Variants in LRBA observed in about 807,000 individuals in gnomAD.
LRBA encodes lipopolysaccharide-responsive and beige-like anchor protein.
Under a neutral mutation model 330.0 loss-of-function variants are expected in LRBA, and 176 were observed. The ratio of observed to expected loss-of-function variants is 0.53; its 90% CI spans 0.47 to 0.60. The LOEUF (loss-of-function observed/expected upper bound fraction) is 0.60, where lower values mean the gene tolerates loss of function less well. Ranked by LOEUF, LRBA falls within the 20% of genes least tolerant of loss-of-function variation. LRBA has a pLI of 0.00. For synonymous variants in LRBA, 1,230 were observed against 1,193.0 expected, an observed-to-expected ratio of 1.03 and a Z score of -0.64; for missense variants, 3,259 against 3,444.8, an observed-to-expected ratio of 0.95 and a Z score of 1.35.
chr4:150,778,833 G>T (rs1033393184), intron 34 of LRBA, among the ~76,000 whole-genome samples: 1 of 152,148 alleles, frequency 6.6e-6, no homozygotes, highest in African/African-American at 2.4e-5. Context: ...TTTGAGGTCT[G>T]AAGTCAAGTC....
chr4:150,802,069 C>T (rs1261097399), intron 33 of LRBA, among the ~76,000 whole-genome samples: 1 of 149,668 alleles, frequency 6.7e-6, no homozygotes, highest in Non-Finnish European at 1.5e-5. Context: ...TTTTTTAAAA[C>T]ATTAGACGAG....
At chr4:150,381,233 C>T (rs1742217361) in intron 47 of LRBA, among the ~76,000 whole-genome samples, 1 of 152,078 alleles carries the variant, frequency 6.6e-6, no homozygotes, top group African/African-American at 2.4e-5. Context: ...AGAATTCATC[C>T]TTTAAAGTGT....
At chr4:150,780,660 CGTGTGTGTGTGT>C (rs1738075381) in intron 34 of LRBA, among the ~76,000 whole-genome samples, 1 of 14,096 alleles carries the variant, frequency 7.1e-5, no homozygotes. Flanking sequence ...TATATATATA[CGTGTGTGTGTGT>C]ATATATATAT....
At chr4:150,995,403 G>A (rs1742517695) in intron 2 of LRBA, among the ~76,000 whole-genome samples, 1 of 151,474 alleles carries the variant, frequency 6.6e-6, no homozygotes, top group Non-Finnish European at 1.5e-5. Flanking sequence ...AGGAACAGAA[G>A]AAACGATGAG....
intron 40 of LRBA, among the ~76,000 whole-genome samples, chr4:150,521,372 C>T (rs747461838): frequency 2.6e-5 from 4 of 152,222 alleles, no homozygotes; most frequent in African/African-American, 4.8e-5. Flanking sequence ...AGGTTTTCCT[C>T]TAGGTACTAT....
At position 150,968,002 on chromosome 4, in the gene LRBA, C is replaced by CTT. The variant is rs35023986; in HGVS notation, c.217-38939_217-38938dup. ...TCAAGTGAAAGGAAGATTTGCACATCTTTTTTTTTTTTTTTTTTTTGAGAC... is the reference window on the plus strand; with the variant it reads ...TCAAGTGAAAGGAAGATTTGCACATCTTTTTTTTTTTTTTTTTTTTTTGAGAC... On this transcript the variant is annotated intron_variant, in intron 2 of 56. Coordinates refer to ENST00000651943, the MANE Select transcript of LRBA (RefSeq NM_001364905.1). Among the ~76,000 whole-genome samples the CTT allele has an allele frequency of 5.3e-3, 664 of 126,046 alleles. 10 individuals are homozygous for CTT. Among genetic ancestry groups the CTT allele is most frequent in the African/African-American group, 0.018 (594 of 32,808 alleles). 82.7% of individuals were successfully genotyped at this position (126,046 alleles called of 152,430 possible). A position where few individuals can be genotyped will look rare whatever the true frequency, so the allele number is the denominator to read the frequency against.
At chr4:150,556,714 T>C (rs1042498868) in intron 40 of LRBA, among the ~76,000 whole-genome samples, 1 of 152,206 alleles carries the variant, frequency 6.6e-6, no homozygotes, top group Non-Finnish European at 1.5e-5. Context: ...TGACATATTA[T>C]ATAGTTTGGA....
chr4:150,461,011 G>A (rs567516768), intron 44 of LRBA, among the ~76,000 whole-genome samples: 1 of 151,898 alleles, frequency 6.6e-6, no homozygotes, highest in South Asian at 2.1e-4. Context: ...AAATGAATAA[G>A]CAGTAACACT....
intron 54 of LRBA, among the ~76,000 whole-genome samples, chr4:150,283,400 C>T (rs1235038207): frequency 6.6e-6 from 1 of 152,140 alleles, no homozygotes; most frequent in Non-Finnish European, 1.5e-5. Flanking sequence ...TGAGTACCTG[C>T]TGCATGCAAG....
chr4:150,639,150 C>T (rs191245088), intron 37 of LRBA, among the ~76,000 whole-genome samples: 1,935 of 145,182 alleles, frequency 0.013, 30 homozygotes, highest in Middle Eastern at 0.021. Context: ...GGGAATTGAA[C>T]GATGAGATCA....
Position 150,906,396 on chromosome 4 carries a change from C to A in LRBA, c.1503G>T (p.Leu501Phe). ...TCAACAATTCCATGATAAAGGCCAG[C>A]AAGGTTGAACTAGAATTTTTTAAAA... is the stretch of plus-strand genomic sequence containing the variant. Reference protein sequence around the residue: ...DEIDLTICSTLLAFIMELLKN... With the variant: ...DEIDLTICSTFLAFIMELLKN... Residue 501 changes from leucine (L) to phenylalanine (F), a missense_variant, in exon 12 of 57, where the codon TTG (leucine) becomes TTT (phenylalanine). Physicochemically the swap from Leu to Phe is conservative, Grantham distance 22 (BLOSUM62 0). Transcript: ENST00000651943. 6.3e-7 allele frequency: 1 copy of A among 1,585,758 alleles called. No homozygotes were observed. The highest frequency in any genetic ancestry group is 8.6e-7 in the Non-Finnish European group (1 of 1,157,664).
At chr4:150,659,056 T>G (rs1303476279) in intron 37 of LRBA, among the ~76,000 whole-genome samples, 1 of 132,614 alleles carries the variant, frequency 7.5e-6, no homozygotes, top group African/African-American at 2.7e-5. Context: ...TGGCGTGATC[T>G]CGGCTCACTA....
rs186280107 is a variant in LRBA at position 150,879,280 on chromosome 4, C to T, written c.2166-6525G>A. Among the ~76,000 whole-genome samples, 4 of 152,234 alleles carry T rather than the reference C, an allele frequency of 2.6e-5. No homozygotes were observed. The East Asian group carries it at 7.7e-4, about 29-fold the overall frequency. ...TAAAAACAAAACCATACATTTATCC[C>T]AATAGATGTGGAAAAAACTTTCAAT... On this transcript the variant is annotated intron_variant, in intron 17 of 56. Transcript: ENST00000651943.
chr4:150,658,357 G>C (rs1258354051), intron 37 of LRBA, among the ~76,000 whole-genome samples: 2 of 133,024 alleles, frequency 1.5e-5, no homozygotes, highest in Non-Finnish European at 3.1e-5. Flanking sequence ...CAGTCTGCAA[G>C]CCAAAAAAAA....
At chr4:150,745,434 G>C (rs1478988537) in intron 35 of LRBA, among the ~76,000 whole-genome samples, 7 of 105,484 alleles carry the variant, frequency 6.6e-5, no homozygotes, top group African/African-American at 2.3e-4. Flanking sequence ...GAGCCTTAAA[G>C]GGCAAAAGCA....
At chr4:150,862,911 G>T (rs1398582305) in intron 22 of LRBA, among the ~76,000 whole-genome samples, 1 of 151,950 alleles carries the variant, frequency 6.6e-6, no homozygotes, top group African/African-American at 2.4e-5. Context: ...CCCAGGAGGT[G>T]GAGGTTTCAG....
intron 40 of LRBA, among the ~76,000 whole-genome samples, chr4:150,552,913 C>A (rs1766790928): frequency 6.6e-6 from 1 of 151,230 alleles, no homozygotes; most frequent in Non-Finnish European, 1.5e-5. Flanking sequence ...ACTAAAAATA[C>A]AAAAAAATAG....
intron 36 of LRBA, among the ~76,000 whole-genome samples, chr4:150,732,433 CCATTT>C (rs1195010498): frequency 6.6e-6 from 1 of 151,952 alleles, no homozygotes; most frequent in African/African-American, 2.4e-5. Flanking sequence ...ACAGCATTGC[CCATTT>C]CATCTCTCTT....
At chr4:150,798,207 C>A in intron 33 of LRBA, 65 bp from the exon 34 acceptor site, 1 of 1,015,598 alleles carries the variant, frequency 9.8e-7, no homozygotes, top group South Asian at 1.3e-5. Context: ...GTTACAATTT[C>A]ATCCAAACTG....
Sources: allele counts gnomAD v4.1 joint callset (sites outside exome capture counted in the v4.1 genomes callset), GRCh38; gene constraint gnomAD v4.1.1; transcripts MANE v1.5; gene names NCBI Gene and HGNC (gene_info 2026-07-23, HGNC 2026-07-21).